DDX60L: variants seen among roughly 807,000 people sequenced by gnomAD.
The protein encoded by DDX60L is DExD/H-box 60 like.
Under a neutral mutation model 211.6 loss-of-function variants are expected in DDX60L, and 191 were observed. The observed-to-expected ratio is 0.90, with a 90% CI of 0.80 to 1.02. DDX60L has a LOEUF of 1.02. Ranked by LOEUF, DDX60L falls within the 50% of genes least tolerant of loss-of-function variation. The pLI, the probability that DDX60L is intolerant of heterozygous loss-of-function variation, is 0.00. For missense variants in DDX60L, 2,007 were observed against 1,984.1 expected (o/e 1.01, Z -0.22); for synonymous variants, 706 against 694.1 (o/e 1.02, Z -0.27).
chr4:168,398,629 C>T (rs959302701), intron 26 of DDX60L, among the ~76,000 whole-genome samples: 1 of 152,200 alleles, frequency 6.6e-6, no homozygotes, highest in Non-Finnish European at 1.5e-5. Flanking sequence ...GTGCTTTCTC[C>T]AGGCCTGCCC....
rs1738411563 is a variant in DDX60L at position 168,357,944 on chromosome 4, T to C, written c.*203A>G. The C allele has an allele frequency of 2.2e-6, 1 of 455,604 alleles. No individual in the cohort carries two copies. The highest frequency in any genetic ancestry group is 4.3e-5 in the East Asian group (1 of 23,342). 28.2% of individuals were successfully genotyped at this position (455,604 alleles called of 1,614,324 possible). On this transcript the variant is annotated 3_prime_UTR_variant, in exon 38 of 38. Coordinates refer to ENST00000682922, the MANE Select transcript of DDX60L (RefSeq NM_001012967.3). ...CTAGAGGTATTCATTTTTACTCCGG[T>C]TTTGCCAAAAATGAAGTTAAAGCTC... is the stretch of plus-strand genomic sequence containing the variant.
rs765488672 is a variant in DDX60L at position 168,453,115 on chromosome 4, T to A, written c.996+9A>T. 1.3e-6 allele frequency: 2 copies of A among 1,599,858 alleles called. No homozygotes were observed. The highest frequency in any genetic ancestry group is 1.7e-6 in the Non-Finnish European group (2 of 1,174,112). ...ATGTTCAGACAAAAAATAAACAAAA[T>A]ATGTTTACCATTTTTAAGAAAGAAT... On this transcript the variant is annotated intron_variant, in intron 8 of 37. Transcript: ENST00000682922.
chr4:168,399,087 A>C (rs973157730), intron 26 of DDX60L, among the ~76,000 whole-genome samples: 5 of 152,158 alleles, frequency 3.3e-5, no homozygotes, highest in Admixed American at 6.5e-5. Context: ...GCTCTTCTTC[A>C]CCTTGCTTAC....
chr4:168,454,758 C>CTTTTTTTTTTTTT (rs767461447), intron 7 of DDX60L, among the ~76,000 whole-genome samples: 10 of 88,626 alleles, frequency 1.1e-4, no homozygotes, highest in African/African-American at 3.4e-4. Context: ...AAACAGCTTC[C>CTTTTTTTTTTTTT]TTTTTTTTTT....
At chr4:168,361,320 T>C (rs1739077705) in intron 36 of DDX60L, 109 bp from the exon 37 acceptor site, 2 of 670,546 alleles carry the variant, frequency 3.0e-6, no homozygotes, top group South Asian at 3.9e-5. Flanking sequence ...ATCTGCCAAA[T>C]GCACTCCCAG....
chr4:168,405,273 G>T (rs1190707629), intron 24 of DDX60L, among the ~76,000 whole-genome samples: 1 of 152,096 alleles, frequency 6.6e-6, no homozygotes, highest in Non-Finnish European at 1.5e-5. Context: ...TTCCCAAAGT[G>T]CTGGGATTAT....
Position 168,456,018 on chromosome 4 carries a change from G to A in DDX60L, c.837+21C>T, listed in dbSNP as rs543168962. Reference sequence around the variant, plus strand: ...GATGAATGACAGCTTTCTGCCTGGCGGCTGTGTTCTTTTTACTTACTAAGA... The same window carrying A: ...GATGAATGACAGCTTTCTGCCTGGCAGCTGTGTTCTTTTTACTTACTAAGA... On this transcript the variant is annotated intron_variant, in intron 7 of 37. Coordinates refer to ENST00000682922, the MANE Select transcript of DDX60L (RefSeq NM_001012967.3). 15 of 1,510,112 alleles carry A rather than the reference G, an allele frequency of 9.9e-6. No individual in the cohort carries two copies. In the South Asian group the frequency reaches 1.2e-4, roughly 12 times the overall value. The allele number at this position is 1,510,112 out of a possible 1,614,324, so 93.5% of individuals were successfully genotyped here.
At chr4:168,456,247 T>C (rs1756556492) in intron 6 of DDX60L, 95 bp from the exon 7 acceptor site, 1 of 617,370 alleles carries the variant, frequency 1.6e-6, no homozygotes, top group Non-Finnish European at 2.5e-6. Context: ...AAGAAAACGA[T>C]TGTATAGATT....
In DDX60L at chr4:168,357,137, T is replaced by C. The variant is rs761093301; in HGVS notation, c.*1010A>G. 6.6e-6 allele frequency: 1 copy of C among 152,226 alleles called. No homozygotes were observed. The highest frequency in any genetic ancestry group is 2.4e-5 in the African/African-American group (1 of 41,444). 9.4% of individuals were successfully genotyped at this position (152,226 alleles called of 1,614,324 possible). On this transcript the variant is annotated 3_prime_UTR_variant, in exon 38 of 38. Transcript: ENST00000682922. ...ATTCCATATTCGGGTTCACAGGGTA[T>C]ATATATTTTTTCTGTTAGATACACA...
At position 168,419,337 on chromosome 4, in the gene DDX60L, AT is replaced by A. The variant is rs1201299859; in HGVS notation, c.2574del (p.Lys858AsnfsTer44). On this transcript the variant is annotated frameshift_variant, in exon 19 of 38. Coordinates refer to ENST00000682922, the MANE Select transcript of DDX60L (RefSeq NM_001012967.3). LOFTEE classifies it high-confidence loss of function. ...EILLLAPHRQ[K>X]WVERIRYVIF... ...ATAACATATCTGATCCTTTCCACCC[AT>A]TTTTGGCGATGAGGAGCAAGCAACA... 6 of 1,599,382 alleles carry A rather than the reference AT, an allele frequency of 3.8e-6. No homozygotes were observed. Among genetic ancestry groups the A allele is most frequent in the Admixed American group, 1.7e-5 (1 of 58,376 alleles).
Position 168,378,472 on chromosome 4 carries a change from G to A in DDX60L, c.4367C>T (p.Ser1456Leu), listed in dbSNP as rs751560356. Residue 1456 changes from serine (S) to leucine (L), a missense_variant, in exon 33 of 38, where the codon TCA (serine) becomes TTA (leucine). Coordinates refer to ENST00000682922, the MANE Select transcript of DDX60L (RefSeq NM_001012967.3). ...CATCACATCTTGGGAAAATTGTTGTGAGCCTATTGAAATAAAGAGCATTAT... is the reference window on the plus strand; with the variant it reads ...CATCACATCTTGGGAAAATTGTTGTAAGCCTATTGAAATAAAGAGCATTAT... The part of the protein sequence containing the change: ...HNLCKPAWKG[S>L]QQFSQDVMEK... 7 of 1,557,444 alleles carry A rather than the reference G, an allele frequency of 4.5e-6. No homozygotes were observed. Among genetic ancestry groups the A allele is most frequent in the Non-Finnish European group, 5.2e-6 (6 of 1,149,990 alleles).
intron 30 of DDX60L, 127 bp from the exon 31 acceptor site, chr4:168,379,957 A>G (rs1462959480): frequency 3.4e-6 from 2 of 582,604 alleles, no homozygotes; most frequent in African/African-American, 3.8e-5. Flanking sequence ...AGTAAATTTC[A>G]TTTGATTTCA....
rs543338244 is a variant in DDX60L at position 168,472,524 on chromosome 4, C to G, written c.5G>C (p.Gly2Ala). 3 of 1,579,810 alleles carry G rather than the reference C, an allele frequency of 1.9e-6. No homozygotes were observed. The South Asian group carries it at 3.4e-5, about 18-fold the overall frequency. Residue 2 changes from glycine (G) to alanine (A), a missense_variant and splice_region_variant, in exon 3 of 38, where the codon GGG becomes GCG. Coordinates refer to ENST00000682922, the MANE Select transcript of DDX60L (RefSeq NM_001012967.3). ...GAAAAATACTGCATGATCCTTTGAC[C>G]CTAAAAATAAGGAGATTTTTTGAGC... Reference protein sequence around the residue: MGSKDHAVFFRE... With the variant: MASKDHAVFFRE...
intron 22 of DDX60L, among the ~76,000 whole-genome samples, chr4:168,414,074 G>A (rs1165671490): frequency 1.3e-5 from 2 of 152,056 alleles, no homozygotes; most frequent in South Asian, 2.1e-4. Flanking sequence ...GAAGAGAGTG[G>A]CATGACATAA....
Position 168,432,592 on chromosome 4 carries a change from T to G in DDX60L, c.1401-22A>C, listed in dbSNP as rs2149949854. On this transcript the variant is annotated intron_variant, in intron 11 of 37. Coordinates refer to ENST00000682922, the MANE Select transcript of DDX60L (RefSeq NM_001012967.3). ...ATCACTGTAAAAATAAATACATAAT[T>G]TTTTTAAATTTTAAGCTTTTCAAAT... The G allele has an allele frequency of 2.8e-6, 4 of 1,404,860 alleles. No individual in the cohort carries two copies. In the East Asian group the frequency reaches 1.1e-4, roughly 37 times the overall value. The allele number at this position is 1,404,860 out of a possible 1,614,324, so 87.0% of individuals were successfully genotyped here. A position where few individuals can be genotyped will look rare whatever the true frequency, so the allele number is the denominator to read the frequency against.
intron 32 of DDX60L, 100 bp downstream of exon 32, chr4:168,379,263 T>C: frequency 9.0e-7 from 1 of 1,116,230 alleles, no homozygotes; most frequent in East Asian, 2.6e-5. Flanking sequence ...TTTGCTTTAA[T>C]AAATGAGAAG....
intron 22 of DDX60L, among the ~76,000 whole-genome samples, chr4:168,407,053 A>G (rs73863195): frequency 0.2 from 30,220 of 152,178 alleles, 3,115 homozygotes; most frequent in East Asian, 0.28. Context: ...CTCTTACAGA[A>G]TAGCCTCAGT....
At chr4:168,392,266 C>T (rs1030012977) in intron 28 of DDX60L, among the ~76,000 whole-genome samples, 6 of 152,274 alleles carry the variant, frequency 3.9e-5, no homozygotes, top group Middle Eastern at 3.4e-3. Flanking sequence ...CATTTTCCTT[C>T]TTATTTACTC....
At chr4:168,452,439 A>T (rs1755927685) in intron 8 of DDX60L, among the ~76,000 whole-genome samples, 2 of 152,242 alleles carry the variant, frequency 1.3e-5, no homozygotes, top group Non-Finnish European at 2.9e-5. Context: ...AGCCATAAAA[A>T]TTATGCTAAC....
Sources: gnomAD v4.1 joint callset for allele counts (sites outside exome capture counted in the v4.1 genomes callset) on GRCh38, gnomAD v4.1.1 for gene constraint, MANE v1.5 for transcripts, NCBI Gene and HGNC (gene_info 2026-07-23, HGNC 2026-07-21) for gene names.